PTPRN2: variants seen among roughly 807,000 people sequenced by gnomAD.
PTPRN2 encodes the protein protein tyrosine phosphatase receptor type N2.
PTPRN2 carries 74 observed loss-of-function variants against 118.8 expected under a neutral mutation model. That is an observed-to-expected ratio of 0.62 (90% CI 0.52 to 0.76). The LOEUF is 0.76. Ranked by LOEUF, PTPRN2 falls within the 30% of genes least tolerant of loss-of-function variation. PTPRN2 has a pLI of 0.00. For missense variants in PTPRN2, 1,481 were observed against 1,394.4 expected, an observed-to-expected ratio of 1.06 and a Z score of -0.99; for synonymous variants, 641 against 608.0, an observed-to-expected ratio of 1.05 and a Z score of -0.80.
At chr7:158,337,146 C>G (rs1484878489) in intron 2 of PTPRN2, among the ~76,000 whole-genome samples, 2 of 152,174 alleles carry the variant, frequency 1.3e-5, no homozygotes, top group African/African-American at 2.4e-5. Flanking sequence ...CAGCCATACT[C>G]TCACCATAAG....
rs1404226922 is a variant in PTPRN2, at chr7:158,015,311, TTC to T, written c.1723+65985_1723+65986del. Reference sequence around the variant, plus strand: ...CCTTTAGTTCCCTCTTCCCCACTTGTTCTCTGATTGTTCATTTTGTTTTTAAC... The same window carrying T: ...CCTTTAGTTCCCTCTTCCCCACTTGTTCTGATTGTTCATTTTGTTTTTAAC... On this transcript the variant is annotated intron_variant, in intron 11 of 22. Coordinates refer to ENST00000389418, the MANE Select transcript of PTPRN2 (RefSeq NM_002847.5). The surrounding 1 kb of genome is among the most constrained non-coding windows in gnomAD (Gnocchi z 4.2). 6.6e-6 allele frequency among the ~76,000 whole-genome samples: 1 copy of T among 152,244 alleles called. No individual in the cohort carries two copies. Among genetic ancestry groups the T allele is most frequent in the East Asian group, 1.9e-4 (1 of 5,196 alleles).
At chr7:157,547,696 C>T (rs769143480) in intron 22 of PTPRN2, among the ~76,000 whole-genome samples, 9 of 152,178 alleles carry the variant, frequency 5.9e-5, no homozygotes, top group South Asian at 2.1e-4. Flanking sequence ...CACGCAGCCA[C>T]GCAGAAGCCT....
chr7:157,589,894 G>A (rs1216314739), intron 17 of PTPRN2, among the ~76,000 whole-genome samples: 3 of 152,250 alleles, frequency 2.0e-5, no homozygotes, highest in Non-Finnish European at 4.4e-5. Context: ...GATGAAGAGG[G>A]AGCTTGTGGG....
intron 2 of PTPRN2, among the ~76,000 whole-genome samples, chr7:158,435,988 G>C (rs1186517871): frequency 6.6e-6 from 1 of 152,156 alleles, no homozygotes; most frequent in Non-Finnish European, 1.5e-5. Context: ...ACGAGTGCTA[G>C]AGATCTGCGG....
At chr7:158,181,023 G>A (rs752757642) in intron 5 of PTPRN2, among the ~76,000 whole-genome samples, 28 of 151,958 alleles carry the variant, frequency 1.8e-4, no homozygotes, top group Non-Finnish European at 2.8e-4. Flanking sequence ...CTTTCAGTTC[G>A]CAGGGGGGAT....
chr7:158,303,235 C>A (rs1251254724), intron 3 of PTPRN2, among the ~76,000 whole-genome samples: 2 of 151,022 alleles, frequency 1.3e-5, no homozygotes, highest in East Asian at 1.9e-4. Context: ...ATCCTGAGAA[C>A]AACATTTTAA....
rs576738357 is a variant in PTPRN2, at chr7:157,555,360, C to T, written c.2903-6341G>A. ...GTATTAAAGTATTAAAACTATCTGT[C>T]ACAATGAAAGAATCCATTTGAAGTT... On this transcript the variant is annotated intron_variant, in intron 21 of 22. Transcript: ENST00000389418. Among the ~76,000 whole-genome samples the T allele has an allele frequency of 2.6e-5, 4 of 152,268 alleles. No individual in the cohort carries two copies. In the East Asian group the frequency reaches 5.8e-4, roughly 22 times the overall value.
chr7:158,150,620 G>A (rs1820894641), intron 6 of PTPRN2, among the ~76,000 whole-genome samples: 1 of 152,134 alleles, frequency 6.6e-6, no homozygotes, highest in Non-Finnish European at 1.5e-5. Context: ...TAAGATCTCG[G>A]TGTCATCTCC....
chr7:158,439,852 A>G (rs1816856039), intron 2 of PTPRN2, among the ~76,000 whole-genome samples: 3 of 152,202 alleles, frequency 2.0e-5, no homozygotes, highest in African/African-American at 7.2e-5. Context: ...ATCTTTTGGA[A>G]ATAATTCTGC....
intron 3 of PTPRN2, among the ~76,000 whole-genome samples, chr7:158,214,322 T>A (rs1230429321): frequency 3.3e-5 from 5 of 151,590 alleles, no homozygotes; most frequent in African/African-American, 9.7e-5. Flanking sequence ...GGTGGTGGAT[T>A]CCCTGGGTTT....
intron 11 of PTPRN2, among the ~76,000 whole-genome samples, chr7:157,959,826 G>A (rs1255151600): frequency 2.6e-5 from 4 of 152,298 alleles, no homozygotes; most frequent in African/African-American, 7.2e-5. Flanking sequence ...ACAATTCCAC[G>A]TGAGGTAAAC....
rs12386577 is a variant in PTPRN2 at position 157,778,240 on chromosome 7, C to T, written c.1789-95303G>A. Among the ~76,000 whole-genome samples, 1,077 of 152,370 alleles carry T rather than the reference C, an allele frequency of 7.1e-3. 10 individuals are homozygous for T. The highest frequency in any genetic ancestry group is 0.024 in the African/African-American group (1,015 of 41,596). ...TCAGGCTGACGACTAAACATGTCCA[C>T]GTGAATGCAGGCGTCGAATGCCCAA... is the stretch of plus-strand genomic sequence containing the variant. On this transcript the variant is annotated intron_variant, in intron 12 of 22. Coordinates refer to ENST00000389418, the MANE Select transcript of PTPRN2 (RefSeq NM_002847.5).
At chr7:157,998,817 CAAAAAAAAA>C (rs1213090372) in intron 11 of PTPRN2, among the ~76,000 whole-genome samples, 1 of 59,162 alleles carries the variant, frequency 1.7e-5, no homozygotes, top group African/African-American at 5.7e-5. Flanking sequence ...TACTCCATCT[CAAAAAAAAA>C]AAAAAAAAAA....
intron 2 of PTPRN2, among the ~76,000 whole-genome samples, chr7:158,447,653 C>T (rs1370292504): frequency 6.6e-6 from 1 of 152,274 alleles, no homozygotes; most frequent in East Asian, 1.9e-4. Context: ...TGCCTTGCGT[C>T]CTGCCAGGCC....
In PTPRN2 at chr7:158,093,797, G is replaced by C. The variant is rs1395394391; in HGVS notation, c.1644-12420C>G. 3.9e-5 allele frequency among the ~76,000 whole-genome samples: 6 copies of C among 152,074 alleles called. No individual in the cohort carries two copies. Among genetic ancestry groups the C allele is most frequent in the African/African-American group, 1.4e-4 (6 of 41,402 alleles). ...AGGCAATAACTTCCCAAAATATCTA[G>C]CCTAAGAGCTTACAAAGGAGGAAGA... is the stretch of plus-strand genomic sequence containing the variant. On this transcript the variant is annotated intron_variant, in intron 10 of 22. Coordinates refer to ENST00000389418, the MANE Select transcript of PTPRN2 (RefSeq NM_002847.5). The surrounding 1 kb of genome is among the most constrained non-coding windows in gnomAD (Gnocchi z 4.4).
At chr7:157,885,254 G>A (rs1796384151) in intron 12 of PTPRN2, among the ~76,000 whole-genome samples, 1 of 152,156 alleles carries the variant, frequency 6.6e-6, no homozygotes, top group Non-Finnish European at 1.5e-5. Context: ...ACCAGGGTGG[G>A]CTTGGCTCCA....
At chr7:157,756,304 A>ATTT (rs3043661) in intron 12 of PTPRN2, among the ~76,000 whole-genome samples, 21 of 145,268 alleles carry the variant, frequency 1.4e-4, no homozygotes, top group African/African-American at 4.8e-4. Context: ...CTTTTAATTA[A>ATTT]TTTTTTTTTT....
chr7:158,075,386 C>T (rs979916282), intron 11 of PTPRN2, among the ~76,000 whole-genome samples: 7 of 152,138 alleles, frequency 4.6e-5, no homozygotes, highest in Admixed American at 2.0e-4. Flanking sequence ...CTGGTCTCTC[C>T]GGCAGCCCAG....
At chr7:158,528,600 C>T (rs1202179599) in intron 1 of PTPRN2, among the ~76,000 whole-genome samples, 1 of 150,864 alleles carries the variant, frequency 6.6e-6, no homozygotes, top group Non-Finnish European at 1.5e-5. Flanking sequence ...TCCTGGCTAA[C>T]ACGGTGAAAC....
Sources: allele counts gnomAD v4.1 joint callset (sites outside exome capture counted in the v4.1 genomes callset), GRCh38; gene constraint gnomAD v4.1.1; non-coding constraint Gnocchi (gnomAD v3.1); transcripts MANE v1.5; gene names NCBI Gene and HGNC (gene_info 2026-07-23, HGNC 2026-07-21).